KCTD16: variants seen among roughly 807,000 people sequenced by gnomAD.
KCTD16 encodes the protein potassium channel tetramerization domain containing 16, also known as BTB/POZ domain-containing protein KCTD16.
Under a neutral mutation model 33.2 loss-of-function variants are expected in KCTD16, and 13 were observed. The ratio of observed to expected loss-of-function variants is 0.39; its 90% CI spans 0.25 to 0.62. The LOEUF is 0.62. Among genes scored for constraint, KCTD16 ranks in the 20% least tolerant of loss-of-function variants. The probability of loss-of-function intolerance (pLI) is 0.50; values close to 1 mark genes in which losing one functional copy is unlikely to be tolerated. For missense variants in KCTD16, 441 were observed against 525.1 expected (o/e 0.84, Z 1.57); for synonymous variants, 197 against 195.3 (o/e 1.01, Z -0.07).
chr5:144,336,649 G>A lies in KCTD16; in HGVS notation c.832+129103G>A, dbSNP rs374300641. Among the ~76,000 whole-genome samples the A allele has an allele frequency of 2.0e-5, 3 of 152,266 alleles. No homozygotes were observed. In the East Asian group the frequency reaches 5.8e-4, roughly 29 times the overall value. On this transcript the variant is annotated intron_variant, in intron 3 of 3. Coordinates refer to ENST00000512467, the MANE Select transcript of KCTD16 (RefSeq NM_020768.4). ...TGAAAGAAGTTGCCAGGTTTCAACAGTAGGCACTTGGTAAGCCTGTTTCTA... is the reference window on the plus strand; with the variant it reads ...TGAAAGAAGTTGCCAGGTTTCAACAATAGGCACTTGGTAAGCCTGTTTCTA...
chr5:144,421,683 T>C (rs1580951836), intron 3 of KCTD16, among the ~76,000 whole-genome samples: 1 of 152,138 alleles, frequency 6.6e-6, no homozygotes, highest in African/African-American at 2.4e-5. Flanking sequence ...ACTCCAGCAA[T>C]ACTAGGATTG....
intron 3 of KCTD16, among the ~76,000 whole-genome samples, chr5:144,390,846 G>T (rs1352366782): frequency 6.6e-6 from 1 of 152,104 alleles, no homozygotes; most frequent in East Asian, 1.9e-4. Context: ...TTCCTGCAAA[G>T]GACATAAACT....
chr5:144,365,360 T>G (rs1039440551), intron 3 of KCTD16, among the ~76,000 whole-genome samples: 1 of 152,080 alleles, frequency 6.6e-6, no homozygotes, highest in Non-Finnish European at 1.5e-5. Flanking sequence ...TAAATAATAT[T>G]TATTTATTTA....
chr5:144,302,685 A>G (rs1318884825), intron 3 of KCTD16, among the ~76,000 whole-genome samples: 3 of 152,250 alleles, frequency 2.0e-5, no homozygotes, highest in African/African-American at 7.2e-5. Context: ...ACTTAACTGT[A>G]AAACACCCTG....
At chr5:144,201,376 T>C (rs560387045) in intron 2 of KCTD16, among the ~76,000 whole-genome samples, 18 of 152,320 alleles carry the variant, frequency 1.2e-4, no homozygotes, top group Admixed American at 1.1e-3. Flanking sequence ...TAACAAGCAA[T>C]GGTGTTAACC....
At chr5:144,435,181 C>A (rs540982945) in intron 3 of KCTD16, among the ~76,000 whole-genome samples, 1 of 152,118 alleles carries the variant, frequency 6.6e-6, no homozygotes, top group East Asian at 1.9e-4. Flanking sequence ...CCCTGATAGC[C>A]CCCTTACCCG....
intron 3 of KCTD16, among the ~76,000 whole-genome samples, chr5:144,236,464 CA>C (rs1754257172): frequency 6.6e-6 from 1 of 152,032 alleles, no homozygotes; most frequent in African/African-American, 2.4e-5. Flanking sequence ...ATGTCTAGAA[CA>C]AAGTTTAGTA....
intron 3 of KCTD16, among the ~76,000 whole-genome samples, chr5:144,426,959 ACTTTTTCCAT>A (rs1461984973): frequency 6.6e-6 from 1 of 152,140 alleles, no homozygotes; most frequent in African/African-American, 2.4e-5. Context: ...AAACCATATT[ACTTTTTCCAT>A]TGGCCATTTT....
At chr5:144,224,090 G>C (rs1016377199) in intron 3 of KCTD16, among the ~76,000 whole-genome samples, 12 of 151,958 alleles carry the variant, frequency 7.9e-5, no homozygotes, top group African/African-American at 2.7e-4. Context: ...CTTATATTTA[G>C]TTCTCAGAAC....
At chr5:144,434,768 C>T (rs571864095) in intron 3 of KCTD16, among the ~76,000 whole-genome samples, 99 of 152,246 alleles carry the variant, frequency 6.5e-4, no homozygotes, top group African/African-American at 2.3e-3. Flanking sequence ...GTTATTATCA[C>T]TGAATAGGTC....
chr5:144,360,884 T>A lies in KCTD16; in HGVS notation c.833-112776T>A, dbSNP rs1289286124. Among the ~76,000 whole-genome samples the A allele has an allele frequency of 2.0e-5, 3 of 152,038 alleles. No individual in the cohort carries two copies. In the East Asian group the frequency reaches 5.8e-4, roughly 29 times the overall value. ...CACATGTGTACCTCTGTCTTTTTTT[T>A]TATTTTTTTTGGAAGTTTTTATTAT... On this transcript the variant is annotated intron_variant, in intron 3 of 3. Transcript: ENST00000512467.
intron 3 of KCTD16, among the ~76,000 whole-genome samples, chr5:144,341,144 A>G (rs765861507): frequency 1.9e-4 from 29 of 152,134 alleles, no homozygotes; most frequent in Non-Finnish European, 1.0e-4. Flanking sequence ...CTGAGTTATA[A>G]TTTTTGTTGT....
intron 3 of KCTD16, among the ~76,000 whole-genome samples, chr5:144,380,094 T>C (rs940691811): frequency 1.3e-5 from 2 of 152,154 alleles, no homozygotes; most frequent in Non-Finnish European, 2.9e-5. Context: ...GAAAACCCCA[T>C]AGTCTCTGAC....
At chr5:144,367,797 G>A (rs1051431617) in intron 3 of KCTD16, among the ~76,000 whole-genome samples, 11 of 148,262 alleles carry the variant, frequency 7.4e-5, no homozygotes, top group African/African-American at 2.8e-4. Context: ...TTCAGCCCTT[G>A]CTTCCCTCCT....
intron 3 of KCTD16, among the ~76,000 whole-genome samples, chr5:144,309,736 C>T (rs1173925925): frequency 2.0e-5 from 3 of 152,150 alleles, no homozygotes; most frequent in East Asian, 1.9e-4. Context: ...GTCCTAAGTT[C>T]GAGAGACTCC....
intron 3 of KCTD16, among the ~76,000 whole-genome samples, chr5:144,356,357 C>G (rs1751571536): frequency 6.6e-6 from 1 of 152,128 alleles, no homozygotes; most frequent in East Asian, 1.9e-4. Flanking sequence ...TGAAAAGCCA[C>G]TCATTCAAAC....
intron 3 of KCTD16, among the ~76,000 whole-genome samples, chr5:144,264,203 C>T (rs967263440): frequency 6.6e-6 from 1 of 152,324 alleles, no homozygotes; most frequent in African/African-American, 2.4e-5. Context: ...TTTACTTTTA[C>T]AATCTTTCTC....
rs564165236 is a variant in KCTD16 at position 144,209,792 on chromosome 5, A to G, written c.832+2246A>G. Among the ~76,000 whole-genome samples the G allele has an allele frequency of 8.2e-5, 12 of 146,052 alleles. No individual in the cohort carries two copies. The East Asian group carries it at 2.4e-3, about 29-fold the overall frequency. ...TCCTCCTGGGCTTAGGGGGAAATAT[A>G]TATATATATATATTTATATGTGTGT... On this transcript the variant is annotated intron_variant, in intron 3 of 3. Coordinates refer to ENST00000512467, the MANE Select transcript of KCTD16 (RefSeq NM_020768.4).
intron 3 of KCTD16, among the ~76,000 whole-genome samples, chr5:144,359,739 A>C (rs937107512): frequency 3.3e-5 from 5 of 151,600 alleles, no homozygotes; most frequent in Admixed American, 2.6e-4. Context: ...TCCAATGACA[A>C]AGAATTGTTT....
Sources: allele counts gnomAD v4.1 joint callset (sites outside exome capture counted in the v4.1 genomes callset), GRCh38; gene constraint gnomAD v4.1.1; transcripts MANE v1.5; gene names NCBI Gene and HGNC (gene_info 2026-07-23, HGNC 2026-07-21).